Variants in CEACAM7 observed in about 807,000 individuals in gnomAD.
CEACAM7 encodes cell adhesion molecule CEACAM7.
A neutral mutation model predicts 25.7 loss-of-function variants in CEACAM7; 24 were observed. That is an observed-to-expected ratio of 0.93 (90% confidence interval 0.68 to 1.31). The LOEUF is 1.31. CEACAM7 is among the 40% of genes most tolerant of loss of function. The probability of loss-of-function intolerance (pLI) is 0.00; values close to 1 mark genes in which losing one functional copy is unlikely to be tolerated. For synonymous variants in CEACAM7, 144 were observed against 129.4 expected (o/e 1.11, Z -0.77); for missense variants, 324 against 330.1 (o/e 0.98, Z 0.14).
At position 41,683,801 on chromosome 19, in the gene CEACAM7, G is replaced by T. The variant is rs935419319; in HGVS notation, c.690C>A (p.Val230=). The T allele has an allele frequency of 3.1e-6, 5 of 1,614,194 alleles. No homozygotes were observed. The highest frequency in any genetic ancestry group is 4.2e-6 in the Non-Finnish European group (5 of 1,180,018). ...GATACTCACAGCGGACATTCAGGGTGACTGGGTCACTGCGGCTGGCACCCA... is the reference window on the plus strand; with the variant it reads ...GATACTCACAGCGGACATTCAGGGTTACTGGGTCACTGCGGCTGGCACCCA... ...NPVGASRSDP[V]TLNVRYESVQ... Residue 230 remains valine, a synonymous_variant, in exon 3 of 5, where the codon GTC becomes GTA. Coordinates refer to ENST00000401731, the MANE Select transcript of CEACAM7 (RefSeq NM_001291485.2).
chr19:41,681,972 G>T (rs1380217210), intron 3 of CEACAM7, among the ~76,000 whole-genome samples: 3 of 152,082 alleles, frequency 2.0e-5, no homozygotes, highest in Admixed American at 1.3e-4. Flanking sequence ...TGGAGACAGG[G>T]TCTCACTCTG....
At chr19:41,687,879 A>T (rs189171235) in intron 1 of CEACAM7, among the ~76,000 whole-genome samples, 17 of 152,346 alleles carry the variant, frequency 1.1e-4, no homozygotes, top group East Asian at 5.8e-4. Flanking sequence ...GCAGCTAGTG[A>T]TGATTAACCA....
chr19:41,681,387 A>G (rs1459795448), intron 3 of CEACAM7, among the ~76,000 whole-genome samples: 1 of 152,234 alleles, frequency 6.6e-6, no homozygotes, highest in Non-Finnish European at 1.5e-5. Flanking sequence ...AAAAAAATTA[A>G]GCAAAGCATT....
chr19:41,687,162 G>A lies in CEACAM7; in HGVS notation c.124C>T (p.Pro42Ser). 6.2e-7 allele frequency: 1 copy of A among 1,613,808 alleles called. No individual in the cohort carries two copies. Among genetic ancestry groups the A allele is most frequent in the Non-Finnish European group, 8.5e-7 (1 of 1,179,848 alleles). Reference sequence around the variant, plus strand: ...TCCTTCCCTTCTGCGACATTGAACGGCACGACATCAATATTGGTCTGGGCA... The same window carrying A: ...TCCTTCCCTTCTGCGACATTGAACGACACGACATCAATATTGGTCTGGGCA... ...NSAQTNIDVV[P>S]FNVAEGKEVL... Residue 42 changes from proline to serine, a missense_variant, in exon 2 of 5, where the codon CCG becomes TCG. Pro to Ser is a moderately conservative substitution (Grantham distance 74). Coordinates refer to ENST00000401731, the MANE Select transcript of CEACAM7 (RefSeq NM_001291485.2).
intron 3 of CEACAM7, among the ~76,000 whole-genome samples, chr19:41,682,250 A>G (rs1329656710): frequency 6.6e-6 from 1 of 152,166 alleles, no homozygotes; most frequent in Non-Finnish European, 1.5e-5. Flanking sequence ...TAAACCGTAT[A>G]TGTAAAATGG....
At chr19:41,679,963 G>A (rs1555810529) in intron 3 of CEACAM7, among the ~76,000 whole-genome samples, 6 of 133,636 alleles carry the variant, frequency 4.5e-5, no homozygotes, top group Admixed American at 3.2e-4. Flanking sequence ...CACCACACCT[G>A]GCTAATTTTT....
chr19:41,683,674 C>G (rs2072197258), intron 3 of CEACAM7, 111 bp downstream of exon 3: 1 of 1,480,686 alleles, frequency 6.8e-7, no homozygotes. Flanking sequence ...GCCTGGGTGC[C>G]TAGAGGTGAG....
At chr19:41,675,974 T>C (rs1568684812) in intron 4 of CEACAM7, among the ~76,000 whole-genome samples, 1 of 152,260 alleles carries the variant, frequency 6.6e-6, no homozygotes, top group Non-Finnish European at 1.5e-5. Flanking sequence ...CCATCTCGCT[T>C]CTGTTTCTCA....
intron 3 of CEACAM7, 69 bp downstream of exon 3, chr19:41,683,714 AAG>A: frequency 6.3e-7 from 1 of 1,580,786 alleles, no homozygotes; most frequent in East Asian, 2.2e-5. Flanking sequence ...GAGAGGGACT[AAG>A]AGGCCTGGTC....
Position 41,684,073 on chromosome 19 carries a change from T to C in CEACAM7, c.428-10A>G, listed in dbSNP as rs781802056. On this transcript the variant is annotated splice_polypyrimidine_tract_variant and intron_variant, in intron 2 of 4. Transcript: ENST00000401731. ...GGCTTGGGTGGCTCCGCTGTGCAGA[T>C]AAGAGAGAGAAAAGATTGCCCTGTG... The C allele has an allele frequency of 1.2e-6, 2 of 1,608,786 alleles. No homozygotes were observed. Among genetic ancestry groups the C allele is most frequent in the East Asian group, 2.2e-5 (1 of 44,744 alleles).
chr19:41,683,219 A>G (rs940178783), intron 3 of CEACAM7, among the ~76,000 whole-genome samples: 22 of 152,188 alleles, frequency 1.4e-4, no homozygotes, highest in Non-Finnish European at 2.5e-4. Flanking sequence ...TATAGGATAC[A>G]CTATTCTTTG....
chr19:41,682,728 C>G (rs1488408619), intron 3 of CEACAM7, among the ~76,000 whole-genome samples: 1 of 152,214 alleles, frequency 6.6e-6, no homozygotes, highest in Non-Finnish European at 1.5e-5. Flanking sequence ...GTTTCCTCCT[C>G]TCATCTGGGG....
At chr19:41,680,239 G>A (rs191637832) in intron 3 of CEACAM7, among the ~76,000 whole-genome samples, 41 of 151,702 alleles carry the variant, frequency 2.7e-4, no homozygotes, top group African/African-American at 9.9e-4. Context: ...TAACCAAGGA[G>A]GTGAAAAAAT....
At chr19:41,678,227 A>G (rs2072136094) in intron 3 of CEACAM7, among the ~76,000 whole-genome samples, 1 of 151,970 alleles carries the variant, frequency 6.6e-6, no homozygotes, top group Admixed American at 6.6e-5. Context: ...TTGAGACTTC[A>G]TATTTAACTC....
In CEACAM7 at chr19:41,686,996, T is replaced by TTG; in HGVS notation, c.288_289dup (p.Asn97ThrfsTer14). 1 of 1,613,680 alleles carries TTG rather than the reference T, an allele frequency of 6.2e-7. No individual in the cohort carries two copies. Among genetic ancestry groups the TTG allele is most frequent in the Non-Finnish European group, 8.5e-7 (1 of 1,179,842 alleles). ...ATTGGGGTATATTGTCTCTCGACCGTTGTGTGCGGGCCCTGGGGCATTTTC... is the reference window on the plus strand; with the variant it reads ...ATTGGGGTATATTGTCTCTCGACCGTTGTGTGTGCGGGCCCTGGGGCATTTTC... On this transcript the variant is annotated frameshift_variant, in exon 2 of 5. Transcript: ENST00000401731. LOFTEE classifies it high-confidence loss of function.
In CEACAM7 at chr19:41,684,020, C is replaced by T. The variant is rs782123831; in HGVS notation, c.471G>A (p.Pro157=). 1.1e-5 allele frequency: 18 copies of T among 1,614,012 alleles called. No homozygotes were observed. Among genetic ancestry groups the T allele is most frequent in the Middle Eastern group, 1.6e-4 (1 of 6,084 alleles). ...AAACCACAATATCTTTGTTCTCCAC[C>T]GGATTGAAGTTGTTGCTGGTGATGG... ...KPSITSNNFN[P]VENKDIVVLT... The change falls in exon 3 of 5, where the codon CCG becomes CCA. Residue 157 remains proline, a synonymous_variant. Coordinates refer to ENST00000401731, the MANE Select transcript of CEACAM7 (RefSeq NM_001291485.2).
Position 41,688,200 on chromosome 19 carries a change from A to G in CEACAM7, c.-35T>C, listed in dbSNP as rs782779064. The stretch of plus-strand genomic sequence containing the variant: ...TGCCTGCTTGTCCTCTGTGGAGAAG[A>G]GCTTGGGCTCCAGGAACTCTCTTGT... On this transcript the variant is annotated 5_prime_UTR_variant, in exon 1 of 5. Coordinates refer to ENST00000401731, the MANE Select transcript of CEACAM7 (RefSeq NM_001291485.2). The G allele has an allele frequency of 6.2e-7, 1 of 1,600,876 alleles. No homozygotes were observed. The highest frequency in any genetic ancestry group is 8.5e-7 in the Non-Finnish European group (1 of 1,173,222).
At chr19:41,685,069 G>C (rs2072213624) in intron 2 of CEACAM7, among the ~76,000 whole-genome samples, 1 of 152,198 alleles carries the variant, frequency 6.6e-6, no homozygotes, top group African/African-American at 2.4e-5. Context: ...GACAGCACCT[G>C]CCTAGGCCGC....
intron 3 of CEACAM7, among the ~76,000 whole-genome samples, chr19:41,681,837 G>A (rs892887385): frequency 2.6e-5 from 4 of 152,190 alleles, no homozygotes; most frequent in African/African-American, 9.7e-5. Flanking sequence ...TAGAAGGAGT[G>A]GAGAGTTACT....
Sources: gnomAD v4.1 joint callset for allele counts (sites outside exome capture counted in the v4.1 genomes callset) on GRCh38, gnomAD v4.1.1 for gene constraint, MANE v1.5 for transcripts, NCBI Gene and HGNC (gene_info 2026-07-23, HGNC 2026-07-21) for gene names.